The following PEX5L variants were observed in gnomAD, a reference collection of about 807,000 sequenced individuals.
PEX5L encodes the protein PEX5-related protein.
PEX5L carries 30 observed loss-of-function variants against 84.0 expected under a neutral mutation model. That is an observed-to-expected ratio of 0.36 (90% CI 0.27 to 0.48). The LOEUF (loss-of-function observed/expected upper bound fraction) is 0.48. PEX5L is among the 20% of genes least tolerant of loss of function. The pLI is 0.99. For synonymous variants in PEX5L, 270 were observed against 283.1 expected, an observed-to-expected ratio of 0.95 and a Z score of 0.46; for missense variants, 533 against 754.6, an observed-to-expected ratio of 0.71 and a Z score of 3.44.
intron 2 of PEX5L, 68 bp from the exon 3 acceptor site, chr3:179,898,314 T>G: frequency 8.9e-7 from 1 of 1,124,366 alleles, no homozygotes; most frequent in Non-Finnish European, 1.3e-6. Flanking sequence ...TTACAAGATA[T>G]TCTAATGTTT....
intron 1 of PEX5L, among the ~76,000 whole-genome samples, chr3:180,029,345 G>T (rs184580751): frequency 6.6e-6 from 1 of 152,044 alleles, no homozygotes; most frequent in Non-Finnish European, 1.5e-5. Context: ...CCAAACAAAC[G>T]AATTGTTTTG....
intron 2 of PEX5L, among the ~76,000 whole-genome samples, chr3:179,912,543 T>C (rs1765549461): frequency 6.6e-6 from 1 of 152,110 alleles, no homozygotes; most frequent in African/African-American, 2.4e-5. Flanking sequence ...ATTAAACTTT[T>C]AAAAGGTTCT....
chr3:179,869,159 T>C (rs559727189), intron 7 of PEX5L, among the ~76,000 whole-genome samples: 1 of 152,116 alleles, frequency 6.6e-6, no homozygotes, highest in Non-Finnish European at 1.5e-5. Flanking sequence ...CTGCTGCACA[T>C]CCCAGTAAAA....
intron 1 of PEX5L, among the ~76,000 whole-genome samples, chr3:180,025,855 T>C (rs1238117276): frequency 6.6e-6 from 1 of 152,226 alleles, no homozygotes; most frequent in East Asian, 1.9e-4. Flanking sequence ...AATTATTATA[T>C]TCTAAGACCC....
intron 1 of PEX5L, among the ~76,000 whole-genome samples, chr3:180,000,191 A>G (rs904765367): frequency 2.6e-5 from 4 of 152,162 alleles, no homozygotes; most frequent in African/African-American, 9.7e-5. Context: ...CAATTTCATT[A>G]AACTGGAAGT....
intron 1 of PEX5L, among the ~76,000 whole-genome samples, chr3:180,010,110 CT>C (rs1170035749): frequency 6.6e-6 from 1 of 151,498 alleles, no homozygotes; most frequent in African/African-American, 2.4e-5. Context: ...CGTCTGGCTA[CT>C]TTTTTTTGTA....
Position 179,801,956 on chromosome 3 carries a change from C to T in PEX5L, c.1753G>A (p.Ala585Thr). 6.2e-7 allele frequency: 1 copy of T among 1,613,754 alleles called. No homozygotes were observed. Among genetic ancestry groups the T allele is most frequent in the Non-Finnish European group, 8.5e-7 (1 of 1,179,734 alleles). ...SRNQQQVPHP[A>T]ISGNIWAALR... is the part of the protein sequence containing the mutation. ...GCAGCCCAGATATTCCCAGAGATTG[C>T]AGGATGAGGAACTTGCTGCTGATTC... is the stretch of plus-strand genomic sequence containing the variant. Residue 585 changes from alanine to threonine, a missense_variant, in exon 15 of 15, where the codon GCA (alanine) becomes ACA (threonine). This residue lies in a region of PEX5L where 105 missense variants were observed against 204.6 expected (regional missense o/e 0.51). Coordinates refer to ENST00000467460, the MANE Select transcript of PEX5L (RefSeq NM_016559.3).
chr3:179,989,777 A>G (rs994938118), intron 1 of PEX5L, among the ~76,000 whole-genome samples: 1 of 152,238 alleles, frequency 6.6e-6, no homozygotes, highest in Non-Finnish European at 1.5e-5. Flanking sequence ...TAGTCACCTA[A>G]AAGAATTACA....
At position 179,951,463 on chromosome 3, in the gene PEX5L, T is replaced by C. The variant is rs565513905; in HGVS notation, c.93+20131A>G. Among the ~76,000 whole-genome samples the C allele has an allele frequency of 4.6e-5, 7 of 152,190 alleles. No individual in the cohort carries two copies. The South Asian group carries it at 1.2e-3, about 27-fold the overall frequency. On this transcript the variant is annotated intron_variant, in intron 2 of 14. Transcript: ENST00000467460. ...TCTATGAAACTTCTACAAAGACTCC[T>C]TAAAAAAAAAGAAAAAAAGGAAAAG...
At chr3:179,960,565 A>G (rs952307369) in intron 2 of PEX5L, among the ~76,000 whole-genome samples, 2 of 152,230 alleles carry the variant, frequency 1.3e-5, no homozygotes, top group Non-Finnish European at 2.9e-5. Context: ...AAAAGTCCTG[A>G]TCCAAGGGTA....
rs187320569 is a variant in PEX5L, at chr3:179,838,974, A to G, written c.823-18998T>C. ...AAATGTATTCGTTGTTATGGAGAAC[A>G]CAATCTCTAAACTAATCAGCAAATC... On this transcript the variant is annotated intron_variant, in intron 8 of 14. Transcript: ENST00000467460. Among the ~76,000 whole-genome samples the G allele has an allele frequency of 3.4e-4, 52 of 152,242 alleles. No individual in the cohort carries two copies. In the East Asian group the frequency reaches 8.3e-3, roughly 24 times the overall value.
At chr3:179,940,471 C>G (rs1033698103) in intron 2 of PEX5L, among the ~76,000 whole-genome samples, 6 of 152,044 alleles carry the variant, frequency 3.9e-5, no homozygotes, top group African/African-American at 1.4e-4. Flanking sequence ...GCATGAAGTG[C>G]TACGGGATCC....
chr3:179,882,199 CTT>C (rs1423917615), intron 4 of PEX5L, among the ~76,000 whole-genome samples: 1 of 152,214 alleles, frequency 6.6e-6, no homozygotes, highest in East Asian at 1.9e-4. Context: ...TGCTCCTAGA[CTT>C]TTAGAAGCAA....
intron 1 of PEX5L, among the ~76,000 whole-genome samples, chr3:179,991,267 C>T (rs1170463144): frequency 6.6e-6 from 1 of 152,176 alleles, no homozygotes; most frequent in Non-Finnish European, 1.5e-5. Context: ...CAAGTATGTG[C>T]TTATTGCATC....
intron 2 of PEX5L, among the ~76,000 whole-genome samples, chr3:179,939,922 T>C (rs1775605896): frequency 6.6e-6 from 1 of 152,152 alleles, no homozygotes; most frequent in African/African-American, 2.4e-5. Context: ...TATGGTCCTA[T>C]AAATGAGGGT....
chr3:179,982,029 T>C lies in PEX5L; in HGVS notation c.22-10364A>G, dbSNP rs529241235. On this transcript the variant is annotated intron_variant, in intron 1 of 14. Coordinates refer to ENST00000467460, the MANE Select transcript of PEX5L (RefSeq NM_016559.3). The stretch of plus-strand genomic sequence containing the variant: ...CAAACCTAATGTGTTTTTAAGAGAA[T>C]TGAGGTGGCATATTTAAAGTGTGTT... Among the ~76,000 whole-genome samples the C allele has an allele frequency of 3.9e-5, 6 of 152,320 alleles. 1 individual carries two copies. The South Asian group carries it at 8.3e-4, about 21-fold the overall frequency.
chr3:179,822,358 T>C (rs1728826672), intron 8 of PEX5L, among the ~76,000 whole-genome samples: 1 of 152,210 alleles, frequency 6.6e-6, no homozygotes, highest in African/African-American at 2.4e-5. Context: ...ATTAGAGCAG[T>C]AGATACATAA....
chr3:179,970,814 CTT>C (rs1053505276), intron 2 of PEX5L, among the ~76,000 whole-genome samples: 8 of 152,158 alleles, frequency 5.3e-5, no homozygotes, highest in Non-Finnish European at 1.2e-4. Context: ...ACTCAGATCT[CTT>C]TGAATTATTT....
chr3:180,024,058 T>A (rs946983760), intron 1 of PEX5L, among the ~76,000 whole-genome samples: 8 of 152,142 alleles, frequency 5.3e-5, no homozygotes, highest in Non-Finnish European at 1.2e-4. Context: ...AAACACAGTC[T>A]TTGTATATTT....
Sources: gnomAD v4.1 joint callset for allele counts (sites outside exome capture counted in the v4.1 genomes callset) on GRCh38, gnomAD v4.1.1 for gene constraint, gnomAD v4.1.1 regional missense constraint, MANE v1.5 for transcripts, NCBI Gene and HGNC (gene_info 2026-07-23, HGNC 2026-07-21) for gene names.